Variants in SCNN1G observed in about 807,000 individuals in gnomAD.
SCNN1G encodes epithelial sodium channel subunit gamma.
In SCNN1G, 27 loss-of-function variants were observed where a neutral mutation model predicts 64.6. The ratio of observed to expected loss-of-function variants is 0.42; its 90% confidence interval spans 0.31 to 0.58. The LOEUF (loss-of-function observed/expected upper bound fraction) is 0.58, where lower values mean the gene tolerates loss of function less well. Among genes scored for constraint, SCNN1G ranks in the 20% least tolerant of loss-of-function variants. The pLI, the probability that SCNN1G is intolerant of heterozygous loss-of-function variation, is 0.18. For missense variants in SCNN1G, 743 were observed against 823.4 expected (o/e 0.90, Z 1.19); for synonymous variants, 330 against 314.2 (o/e 1.05, Z -0.53).
At chr16:23,206,969 C>CA (rs747920355) in intron 6 of SCNN1G, among the ~76,000 whole-genome samples, 8 of 152,128 alleles carry the variant, frequency 5.3e-5, no homozygotes, top group Non-Finnish European at 7.4e-5. Flanking sequence ...GAAGCTGGGG[C>CA]CGAGGGAAGA....
At chr16:23,213,403 A>T (rs750491295) in intron 11 of SCNN1G, among the ~76,000 whole-genome samples, 3 of 152,092 alleles carry the variant, frequency 2.0e-5, no homozygotes, top group Non-Finnish European at 4.4e-5. Context: ...TAGGTGCGCA[A>T]CATCACATCT....
chr16:23,191,765 GC>G (rs1446052809), intron 3 of SCNN1G, among the ~76,000 whole-genome samples: 3 of 152,192 alleles, frequency 2.0e-5, no homozygotes, highest in Non-Finnish European at 4.4e-5. Flanking sequence ...AAGTTTCCAA[GC>G]TTTGTGTGAT....
At chr16:23,194,546 CT>C (rs1446951156) in intron 5 of SCNN1G, among the ~76,000 whole-genome samples, 1 of 152,216 alleles carries the variant, frequency 6.6e-6, no homozygotes, top group Non-Finnish European at 1.5e-5. Context: ...GGGAACTACT[CT>C]GGTTTAAACT....
intron 6 of SCNN1G, among the ~76,000 whole-genome samples, chr16:23,197,695 C>T (rs1959818431): frequency 6.6e-6 from 1 of 152,078 alleles, no homozygotes; most frequent in Admixed American, 6.6e-5. Context: ...GCCTAGCCAA[C>T]TTGGTGAAAC....
intron 6 of SCNN1G, among the ~76,000 whole-genome samples, chr16:23,204,613 A>C (rs772167527): frequency 6.6e-6 from 1 of 151,092 alleles, no homozygotes; most frequent in Non-Finnish European, 1.5e-5. Flanking sequence ...TATTTGCCGT[A>C]TGTGTTGCAA....
At position 23,213,161 on chromosome 16, in the gene SCNN1G, C is replaced by T. The variant is rs1960108167; in HGVS notation, c.1491C>T (p.Asn497=). The T allele has an allele frequency of 6.2e-7, 1 of 1,610,926 alleles. No individual in the cohort carries two copies. Among genetic ancestry groups the T allele is most frequent in the Non-Finnish European group, 8.5e-7 (1 of 1,177,836 alleles). Residue 497 remains asparagine, a splice_region_variant and synonymous_variant, in exon 11 of 13, where the codon AAC becomes AAT. Coordinates refer to ENST00000300061, the MANE Select transcript of SCNN1G (RefSeq NM_001039.4). ...GCCGGCAAGTAAACAAAAAGCTCAACAAGTAAGTTACCTCTACCCTGTTCC... is the reference window on the plus strand; with the variant it reads ...GCCGGCAAGTAAACAAAAAGCTCAATAAGTAAGTTACCTCTACCCTGTTCC... The part of the protein sequence containing the change: ...DQGRQVNKKL[N]KTDLAKLLIF...
At chr16:23,199,974 A>G (rs1341777568) in intron 6 of SCNN1G, among the ~76,000 whole-genome samples, 4 of 152,008 alleles carry the variant, frequency 2.6e-5, no homozygotes, top group African/African-American at 9.7e-5. Flanking sequence ...CCTGGCCCAT[A>G]ATGACGTTTT....
intron 6 of SCNN1G, among the ~76,000 whole-genome samples, chr16:23,209,346 A>G (rs1960041830): frequency 6.6e-6 from 1 of 152,188 alleles, no homozygotes; most frequent in South Asian, 2.1e-4. Context: ...ACGCTAAGCC[A>G]ACAGGTCCCT....
chr16:23,215,660 C>A lies in SCNN1G; in HGVS notation c.*191C>A, dbSNP rs1338732179. The A allele has an allele frequency of 6.2e-6, 4 of 644,208 alleles. No homozygotes were observed. Among genetic ancestry groups the A allele is most frequent in the African/African-American group, 1.8e-5 (1 of 55,180 alleles). 39.9% of individuals were successfully genotyped at this position (644,208 alleles called of 1,614,324 possible). A position where few individuals can be genotyped will look rare whatever the true frequency, so the allele number is the denominator to read the frequency against. On this transcript the variant is annotated 3_prime_UTR_variant, in exon 13 of 13. Transcript: ENST00000300061. ...GCGCAGGAGGAGCCATCGGGTACTA[C>A]GCAGCAACACTCACAACTGTCCAGG...
intron 1 of SCNN1G, among the ~76,000 whole-genome samples, chr16:23,184,809 G>A (rs1415529708): frequency 5.3e-5 from 8 of 152,202 alleles, no homozygotes; most frequent in South Asian, 2.1e-4. Flanking sequence ...GGGGCACATC[G>A]AAGTCACAGA....
At chr16:23,205,479 C>T (rs188786431) in intron 6 of SCNN1G, among the ~76,000 whole-genome samples, 2 of 152,204 alleles carry the variant, frequency 1.3e-5, no homozygotes, top group East Asian at 3.9e-4. Flanking sequence ...GGGCAGATCA[C>T]CTGAGGTCAG....
chr16:23,203,067 G>A (rs1013095814), intron 6 of SCNN1G, among the ~76,000 whole-genome samples: 1 of 152,194 alleles, frequency 6.6e-6, no homozygotes, highest in Non-Finnish European at 1.5e-5. Context: ...AGTAAAAGGA[G>A]AAAGAGAGGC....
At chr16:23,203,972 T>C (rs1191223042) in intron 6 of SCNN1G, among the ~76,000 whole-genome samples, 1 of 151,514 alleles carries the variant, frequency 6.6e-6, no homozygotes, top group Non-Finnish European at 1.5e-5. Flanking sequence ...TGGCATATAG[T>C]CAGTGCTTAA....
chr16:23,208,909 A>G (rs1185817183), intron 6 of SCNN1G, among the ~76,000 whole-genome samples: 1 of 151,896 alleles, frequency 6.6e-6, no homozygotes, highest in African/African-American at 2.4e-5. Context: ...GCCCCTGCTC[A>G]TCTTTCTAAT....
At chr16:23,183,268 G>C (rs1596758902) in intron 1 of SCNN1G, among the ~76,000 whole-genome samples, 1 of 152,336 alleles carries the variant, frequency 6.6e-6, no homozygotes, top group African/African-American at 2.4e-5. Context: ...GCGCTCCCCC[G>C]GGGCAGACGT....
chr16:23,211,995 G>T, intron 7 of SCNN1G, 39 bp from the exon 8 acceptor site: 1 of 1,434,376 alleles, frequency 7.0e-7, no homozygotes, highest in East Asian at 2.3e-5. Context: ...ACATCCCTGA[G>T]CAAAGACATG....
At position 23,192,432 on chromosome 16, in the gene SCNN1G, C is replaced by G. The variant is rs192839222; in HGVS notation, c.699C>G (p.His233Gln). Residue 233 changes from histidine to glutamine, a missense_variant, in exon 4 of 13, where the codon CAC becomes CAG. Transcript: ENST00000300061. ...CCATTCAGGAGTGGTATAAGCTACA[C>G]TACATGAACATCATGGCACAGGTGC... Reference protein sequence around the residue: ...INAIQEWYKLHYMNIMAQVPL... With the variant: ...INAIQEWYKLQYMNIMAQVPL... 10 of 1,613,830 alleles carry G rather than the reference C, an allele frequency of 6.2e-6. No homozygotes were observed. The highest frequency in any genetic ancestry group is 8.5e-6 in the Non-Finnish European group (10 of 1,179,764).
Position 23,214,739 on chromosome 16 carries a change from C to T in SCNN1G, c.1521C>T (p.Phe507=). 1 of 1,614,132 alleles carries T rather than the reference C, an allele frequency of 6.2e-7. No individual in the cohort carries two copies. Among genetic ancestry groups the T allele is most frequent in the East Asian group, 2.2e-5 (1 of 44,878 alleles). The part of the protein sequence containing the change: ...NKTDLAKLLI[F]YKDLNQRSIM... ...CAGACTTGGCCAAACTCTTGATATT[C>T]TACAAAGACCTGAACCAGAGATCCA... The change falls in exon 12 of 13, where the codon TTC becomes TTT. Residue 507 remains phenylalanine (F), a synonymous_variant. Transcript: ENST00000300061.
intron 6 of SCNN1G, among the ~76,000 whole-genome samples, chr16:23,200,233 C>A (rs1353712506): frequency 6.6e-6 from 1 of 152,052 alleles, no homozygotes; most frequent in African/African-American, 2.4e-5. Context: ...AGTGGTTATT[C>A]TAAGAGGCAG....
Sources: gnomAD v4.1 joint callset for allele counts (sites outside exome capture counted in the v4.1 genomes callset) on GRCh38, gnomAD v4.1.1 for gene constraint, MANE v1.5 for transcripts, NCBI Gene and HGNC (gene_info 2026-07-23, HGNC 2026-07-21) for gene names.